Variants in CACNA1D observed in about 807,000 individuals in gnomAD.
The protein encoded by CACNA1D is calcium voltage-gated channel subunit alpha1 D.
Under a neutral mutation model 257.1 loss-of-function variants are expected in CACNA1D, and 55 were observed. That is an observed-to-expected ratio of 0.21 (90% confidence interval 0.17 to 0.27). The LOEUF (loss-of-function observed/expected upper bound fraction) is 0.27, where lower values mean the gene tolerates loss of function less well. CACNA1D is among the 10% of genes least tolerant of loss of function. CACNA1D has a pLI of 1.00. For missense variants in CACNA1D, 1,876 were observed against 2,784.0 expected, an observed-to-expected ratio of 0.67 and a Z score of 7.34; for synonymous variants, 980 against 1,014.9, an observed-to-expected ratio of 0.97 and a Z score of 0.65.
intron 3 of CACNA1D, among the ~76,000 whole-genome samples, chr3:53,579,209 C>T (rs2093090087): frequency 6.6e-6 from 1 of 152,212 alleles, no homozygotes; most frequent in Admixed American, 6.5e-5. Flanking sequence ...CTGACATTGG[C>T]AGTCTCATTC....
intron 26 of CACNA1D, 139 bp downstream of exon 26, chr3:53,747,587 C>T (rs775476677): frequency 7.0e-6 from 6 of 855,900 alleles, no homozygotes; most frequent in Admixed American, 1.9e-5. Context: ...GGCCACTTCT[C>T]AGTCACTTCT....
chr3:53,603,425 A>G (rs1559903723), intron 3 of CACNA1D, among the ~76,000 whole-genome samples: 1 of 152,220 alleles, frequency 6.6e-6, no homozygotes, highest in Admixed American at 6.5e-5. Flanking sequence ...AAAATGAGAC[A>G]TAATAAGAAA....
chr3:53,510,773 G>A (rs541758324), intron 3 of CACNA1D, among the ~76,000 whole-genome samples: 1 of 152,200 alleles, frequency 6.6e-6, no homozygotes, highest in South Asian at 2.1e-4. Context: ...GGTTGGGTCT[G>A]GCCTCTCTCT....
chr3:53,657,850 G>T (rs1358968249), intron 4 of CACNA1D, among the ~76,000 whole-genome samples: 1 of 152,162 alleles, frequency 6.6e-6, no homozygotes, highest in Non-Finnish European at 1.5e-5. Flanking sequence ...GAAAGTAATT[G>T]ATATTTCTAA....
intron 3 of CACNA1D, among the ~76,000 whole-genome samples, chr3:53,601,569 A>C (rs2107878890): frequency 6.6e-6 from 1 of 152,354 alleles, no homozygotes; most frequent in East Asian, 1.9e-4. Flanking sequence ...CATCCTGGAT[A>C]ATACCATTCT....
At chr3:53,794,029 A>G (rs1029358548) in intron 40 of CACNA1D, among the ~76,000 whole-genome samples, 2 of 152,196 alleles carry the variant, frequency 1.3e-5, no homozygotes, top group Non-Finnish European at 2.9e-5. Flanking sequence ...AATAGCTTAT[A>G]CTGTTTAACA....
chr3:53,710,851 A>G (rs769105030), intron 9 of CACNA1D, among the ~76,000 whole-genome samples: 12 of 152,072 alleles, frequency 7.9e-5, no homozygotes, highest in Non-Finnish European at 1.5e-4. Context: ...TTTTTTCTCC[A>G]GGCTACATGT....
chr3:53,579,164 G>A (rs142030343), intron 3 of CACNA1D, among the ~76,000 whole-genome samples: 3 of 152,182 alleles, frequency 2.0e-5, no homozygotes, highest in African/African-American at 4.8e-5. Flanking sequence ...TGAGAAGACT[G>A]TCTTAATATT....
At chr3:53,659,958 G>C (rs2094187069) in intron 4 of CACNA1D, among the ~76,000 whole-genome samples, 175 bp from the exon 5 acceptor site, 2 of 152,198 alleles carry the variant, frequency 1.3e-5, no homozygotes, top group Admixed American at 6.5e-5. Flanking sequence ...AATCATTTTG[G>C]AGATGGCGTC....
chr3:53,540,343 C>G (rs1265021884), intron 3 of CACNA1D, among the ~76,000 whole-genome samples: 4 of 150,776 alleles, frequency 2.7e-5, no homozygotes, highest in African/African-American at 9.8e-5. Context: ...CCAGCCTGGT[C>G]TCGAACTCCT....
chr3:53,668,100 A>G (rs962707567), intron 7 of CACNA1D, among the ~76,000 whole-genome samples: 1 of 152,104 alleles, frequency 6.6e-6, no homozygotes, highest in Non-Finnish European at 1.5e-5. Context: ...AAATAGCCCA[A>G]ACTGATACTT....
chr3:53,674,708 C>T (rs1221078217), intron 8 of CACNA1D, among the ~76,000 whole-genome samples: 3 of 152,208 alleles, frequency 2.0e-5, no homozygotes, highest in Non-Finnish European at 4.4e-5. Context: ...GAGAAGGGAG[C>T]TGGGGGCTGT....
At position 53,501,699 on chromosome 3, in the gene CACNA1D, T is replaced by A. The variant is rs1017382807; in HGVS notation, c.462T>A (p.Ser154=). The change falls in exon 3 of 48, where the codon TCT becomes TCA. Residue 154 remains serine (S), a synonymous_variant. Coordinates refer to ENST00000350061, the MANE Select transcript of CACNA1D (RefSeq NM_001128840.3). ...AIYIPFPEDD[S]NSTNHNLEKV... ...ACATCCCATTCCCTGAAGATGATTC[T>A]AATTCAACAAATCATAACTTGGTAA... The A allele has an allele frequency of 1.3e-6, 2 of 1,587,370 alleles. No individual in the cohort carries two copies. Among genetic ancestry groups the A allele is most frequent in the Non-Finnish European group, 1.7e-6 (2 of 1,156,162 alleles).
rs537703967 is a variant in CACNA1D, at chr3:53,732,357, G to A, written c.2473+275G>A. On this transcript the variant is annotated intron_variant, in intron 18 of 47. Transcript: ENST00000350061. The stretch of plus-strand genomic sequence containing the variant: ...GTCCAGGAGGCCCCCCGGTGTTAGC[G>A]CTCACCTGACACTTTTATATTTGAC... Among the ~76,000 whole-genome samples the A allele has an allele frequency of 4.6e-5, 7 of 152,264 alleles. No individual in the cohort carries two copies. The South Asian group carries it at 8.3e-4, about 18-fold the overall frequency.
intron 29 of CACNA1D, among the ~76,000 whole-genome samples, chr3:53,760,559 C>T (rs1004863447): frequency 1.4e-4 from 21 of 152,190 alleles, no homozygotes; most frequent in African/African-American, 4.6e-4. Context: ...ACAGTCAGTC[C>T]GTTGCCTCTT....
At chr3:53,648,350 T>C (rs1024630619) in intron 3 of CACNA1D, among the ~76,000 whole-genome samples, 3 of 152,232 alleles carry the variant, frequency 2.0e-5, no homozygotes, top group Non-Finnish European at 4.4e-5. Context: ...ATGTGAGCAC[T>C]GTGGGTTGGC....
chr3:53,811,572 AG>A lies in CACNA1D; in HGVS notation c.*168del, dbSNP rs1200123180. 6 of 622,848 alleles carry A rather than the reference AG, an allele frequency of 9.6e-6. No homozygotes were observed. The highest frequency in any genetic ancestry group is 1.6e-5 in the Non-Finnish European group (6 of 370,090). 38.6% of individuals were successfully genotyped at this position (622,848 alleles called of 1,614,324 possible). ...GCCTCAAGAAAGCCATAAACCTGGT[AG>A]GAACAGGTCCCAAGCGGTTGAGCCT... On this transcript the variant is annotated 3_prime_UTR_variant, in exon 48 of 48. Coordinates refer to ENST00000350061, the MANE Select transcript of CACNA1D (RefSeq NM_001128840.3). This position sits in a 1 kb window ranked among gnomAD's most constrained non-coding sequence, Gnocchi z 4.2.
At chr3:53,756,415 G>A (rs2095265400) in intron 29 of CACNA1D, among the ~76,000 whole-genome samples, 1 of 152,176 alleles carries the variant, frequency 6.6e-6, no homozygotes, top group South Asian at 2.1e-4. Flanking sequence ...GATGGAAGAG[G>A]CCATCTCACC....
At chr3:53,674,899 T>C (rs1446222216) in intron 8 of CACNA1D, among the ~76,000 whole-genome samples, 1 of 152,180 alleles carries the variant, frequency 6.6e-6, no homozygotes, top group Non-Finnish European at 1.5e-5. Context: ...TATCTCCTCC[T>C]CACTCACTTT....
Sources: allele counts gnomAD v4.1 joint callset (sites outside exome capture counted in the v4.1 genomes callset), GRCh38; gene constraint gnomAD v4.1.1; non-coding constraint Gnocchi (gnomAD v3.1); transcripts MANE v1.5; gene names NCBI Gene and HGNC (gene_info 2026-07-23, HGNC 2026-07-21).